The following GALNTL6 variants were observed in gnomAD, a reference collection of about 807,000 sequenced individuals.
The protein encoded by GALNTL6 is polypeptide N-acetylgalactosaminyltransferase like 6.
A neutral mutation model predicts 73.7 loss-of-function variants in GALNTL6; 46 were observed. That is an observed-to-expected ratio of 0.62 (90% confidence interval 0.49 to 0.80). The LOEUF (loss-of-function observed/expected upper bound fraction) is 0.80. GALNTL6 is among the 30% of genes least tolerant of loss of function. The pLI, the probability that GALNTL6 is intolerant of heterozygous loss-of-function variation, is 0.00. For missense variants in GALNTL6, 604 were observed against 755.0 expected (o/e 0.80, Z 2.34); for synonymous variants, 259 against 263.7 (o/e 0.98, Z 0.17).
At chr4:172,647,595 G>A (rs1394286889) in intron 5 of GALNTL6, among the ~76,000 whole-genome samples, 2 of 151,910 alleles carry the variant, frequency 1.3e-5, no homozygotes, top group East Asian at 3.9e-4. Flanking sequence ...AATTTTTCAA[G>A]AACCACTGTC....
At chr4:172,190,879 A>T (rs1010290603) in intron 2 of GALNTL6, among the ~76,000 whole-genome samples, 4 of 152,166 alleles carry the variant, frequency 2.6e-5, no homozygotes, top group African/African-American at 9.7e-5. Flanking sequence ...GGAGTTGACT[A>T]CTTCTCTTTA....
At chr4:172,528,003 ATTG>A (rs1433813886) in intron 5 of GALNTL6, among the ~76,000 whole-genome samples, 7 of 151,898 alleles carry the variant, frequency 4.6e-5, no homozygotes, top group Non-Finnish European at 1.0e-4. Flanking sequence ...AATTTTATTT[ATTG>A]AAGTTAACTT....
chr4:172,266,931 T>G (rs1738471090), intron 3 of GALNTL6, among the ~76,000 whole-genome samples: 1 of 152,112 alleles, frequency 6.6e-6, no homozygotes, highest in South Asian at 2.1e-4. Flanking sequence ...AACATGCACA[T>G]CCCTGAAGCT....
intron 12 of GALNTL6, among the ~76,000 whole-genome samples, chr4:173,031,045 C>T (rs1753438489): frequency 6.6e-6 from 1 of 151,888 alleles, no homozygotes; most frequent in Non-Finnish European, 1.5e-5. Flanking sequence ...AGAGCACAGG[C>T]TCTGGCTCCT....
chr4:172,994,832 A>T (rs1049111708), intron 10 of GALNTL6, among the ~76,000 whole-genome samples: 2 of 152,192 alleles, frequency 1.3e-5, no homozygotes, highest in African/African-American at 4.8e-5. Context: ...AAAAGGTCAT[A>T]TCCTCAGAAC....
At chr4:171,923,786 C>CTGTG (rs563244976) in intron 2 of GALNTL6, among the ~76,000 whole-genome samples, 6,740 of 133,168 alleles carry the variant, frequency 0.051, 215 homozygotes, top group African/African-American at 0.094. Context: ...AAAAGTATTG[C>CTGTG]TGTGTGTGTG....
intron 2 of GALNTL6, among the ~76,000 whole-genome samples, chr4:171,999,080 G>A (rs1361493891): frequency 6.6e-6 from 1 of 152,138 alleles, no homozygotes; most frequent in Non-Finnish European, 1.5e-5. Flanking sequence ...TCATTTGTTT[G>A]ACTAAGGTCA....
At chr4:172,557,313 CA>C (rs1736184782) in intron 5 of GALNTL6, among the ~76,000 whole-genome samples, 1 of 152,044 alleles carries the variant, frequency 6.6e-6, no homozygotes, top group African/African-American at 2.4e-5. Context: ...TAGAAGAAAA[CA>C]TAGGAGACCT....
chr4:172,026,389 A>G (rs1292879379), intron 2 of GALNTL6, among the ~76,000 whole-genome samples: 1 of 152,170 alleles, frequency 6.6e-6, no homozygotes, highest in Non-Finnish European at 1.5e-5. Context: ...AGCACAGCAC[A>G]GTGGAAAGAT....
intron 5 of GALNTL6, among the ~76,000 whole-genome samples, chr4:172,577,968 T>C (rs917010299): frequency 6.6e-6 from 1 of 152,132 alleles, no homozygotes; most frequent in Admixed American, 6.5e-5. Context: ...AATGAGAAAG[T>C]AGACTGGGGA....
intron 9 of GALNTL6, among the ~76,000 whole-genome samples, chr4:172,941,174 T>C (rs139790230): frequency 6.6e-6 from 1 of 152,322 alleles, no homozygotes; most frequent in East Asian, 1.9e-4. Context: ...CTTTCCATTG[T>C]GCAAAAGAGA....
chr4:171,959,353 A>C (rs59521763), intron 2 of GALNTL6, among the ~76,000 whole-genome samples: 75,915 of 151,978 alleles, frequency 0.5, 19,713 homozygotes, highest in Admixed American at 0.62. Context: ...AATTTAAAAG[A>C]TCTCATCATC....
At chr4:172,443,541 T>C (rs1731915939) in intron 5 of GALNTL6, among the ~76,000 whole-genome samples, 1 of 152,124 alleles carries the variant, frequency 6.6e-6, no homozygotes, top group Non-Finnish European at 1.5e-5. Context: ...GTTCTTGGCT[T>C]TCTTGTATTC....
chr4:172,878,970 A>G (rs1745323749), intron 7 of GALNTL6, among the ~76,000 whole-genome samples: 1 of 151,874 alleles, frequency 6.6e-6, no homozygotes, highest in Admixed American at 6.6e-5. Flanking sequence ...TGACTATAGT[A>G]ATATCAAGAC....
At chr4:171,856,438 T>C (rs958412499) in intron 2 of GALNTL6, among the ~76,000 whole-genome samples, 17 of 152,236 alleles carry the variant, frequency 1.1e-4, no homozygotes, top group African/African-American at 4.1e-4. Flanking sequence ...TTTAATAATG[T>C]CCATTTAATC....
chr4:172,829,475 T>C (rs943953686), intron 7 of GALNTL6, among the ~76,000 whole-genome samples: 3 of 152,198 alleles, frequency 2.0e-5, no homozygotes, highest in Non-Finnish European at 2.9e-5. Flanking sequence ...AAATATTTAC[T>C]AGAAAGTAAA....
intron 7 of GALNTL6, among the ~76,000 whole-genome samples, chr4:172,860,720 A>T (rs1560998068): frequency 6.6e-6 from 1 of 152,222 alleles, no homozygotes; most frequent in Admixed American, 6.5e-5. Flanking sequence ...AGGAAAATAT[A>T]TATGAAAATG....
At chr4:172,335,562 ATTC>A (rs1363625275) in intron 4 of GALNTL6, among the ~76,000 whole-genome samples, 1 of 152,142 alleles carries the variant, frequency 6.6e-6, no homozygotes, top group Admixed American at 6.5e-5. Context: ...TTGGCTGTGA[ATTC>A]TTCTGGTCCA....
intron 2 of GALNTL6, among the ~76,000 whole-genome samples, chr4:171,939,072 A>G (rs1354084138): frequency 8.2e-5 from 11 of 134,026 alleles, no homozygotes; most frequent in Admixed American, 7.4e-4. Flanking sequence ...GCCTTCACCA[A>G]AAAAACAGAT....
Sources: gnomAD v4.1 joint callset for allele counts (sites outside exome capture counted in the v4.1 genomes callset) on GRCh38, gnomAD v4.1.1 for gene constraint, MANE v1.5 for transcripts, NCBI Gene and HGNC (gene_info 2026-07-23, HGNC 2026-07-21) for gene names.